Variants in C12orf75 observed in about 807,000 individuals in gnomAD.
C12orf75 encodes the protein chromosome 12 open reading frame 75.
C12orf75 carries 4 observed loss-of-function variants against 11.4 expected under a neutral mutation model. The ratio of observed to expected loss-of-function variants is 0.35; its 90% confidence interval spans 0.17 to 0.80. The LOEUF is 0.80. Among genes scored for constraint, C12orf75 ranks in the 30% least tolerant of loss-of-function variants. The pLI is 0.52. For missense variants in C12orf75, 89 were observed against 80.4 expected (o/e 1.11, Z -0.41); for synonymous variants, 30 against 30.0 (o/e 1.00, Z 0.00).
chr12:105,349,594 GGCCAGGTATGGTGGCGCATGCCT>G (rs1477257852), intron 2 of C12orf75, among the ~76,000 whole-genome samples: 1 of 152,212 alleles, frequency 6.6e-6, no homozygotes, highest in Non-Finnish European at 1.5e-5. Context: ...CCAAAAATAG[GGCCAGGTATGGTGGCGCATGCCT>G]GTAATCCCAG....
intron 2 of C12orf75, among the ~76,000 whole-genome samples, chr12:105,353,069 C>T (rs1592881328): frequency 6.6e-6 from 1 of 152,128 alleles, no homozygotes; most frequent in Non-Finnish European, 1.5e-5. Flanking sequence ...AAATAGGCTG[C>T]GTTGGGATAT....
At chr12:105,364,748 A>G (rs1201734883) in intron 2 of C12orf75, among the ~76,000 whole-genome samples, 1 of 152,110 alleles carries the variant, frequency 6.6e-6, no homozygotes. Flanking sequence ...CTTTCAGAAA[A>G]GCAACTTATG....
At chr12:105,361,183 C>T (rs571184726) in intron 2 of C12orf75, among the ~76,000 whole-genome samples, 10 of 152,196 alleles carry the variant, frequency 6.6e-5, no homozygotes, top group East Asian at 3.9e-4. Flanking sequence ...TGCACACCAC[C>T]ACACCTGGCT....
At chr12:105,333,028 C>T (rs765935346) in intron 1 of C12orf75, among the ~76,000 whole-genome samples, 3 of 151,804 alleles carry the variant, frequency 2.0e-5, no homozygotes, top group Non-Finnish European at 4.4e-5. Flanking sequence ...TCTCCTCCAG[C>T]TTGCTGTTTG....
chr12:105,346,552 A>G (rs1892643582), intron 1 of C12orf75, among the ~76,000 whole-genome samples: 1 of 152,174 alleles, frequency 6.6e-6, no homozygotes, highest in East Asian at 1.9e-4. Context: ...TTTTGGTTTA[A>G]TAATCTCTGA....
At position 105,330,764 on chromosome 12, in the gene C12orf75, A is replaced by T. The variant is rs1481199682; in HGVS notation, c.-128A>T. 5.2e-6 allele frequency: 5 copies of T among 965,792 alleles called. No individual in the cohort carries two copies. The South Asian group carries it at 2.1e-4, about 40-fold the overall frequency. The allele number at this position is 965,792 out of a possible 1,614,324, so 59.8% of individuals were successfully genotyped here. A position where few individuals can be genotyped will look rare whatever the true frequency, so the allele number is the denominator to read the frequency against. ...CCGGCGGTGGGAGGGGGCGGCCCCC[A>T]CTCGGTTCCTGGCCCCTCGCGGCCC... On this transcript the variant is annotated 5_prime_UTR_variant, in exon 1 of 6. Coordinates refer to ENST00000443585, the MANE Select transcript of C12orf75 (RefSeq NM_001145199.2).
At chr12:105,353,728 C>G (rs1423744839) in intron 2 of C12orf75, 1 of 152,012 alleles carries the variant, frequency 6.6e-6, no homozygotes, top group African/African-American at 2.4e-5. Context: ...AAATAAGAAA[C>G]AGTATTAAAT....
At chr12:105,345,915 C>T (rs1331279231) in intron 1 of C12orf75, among the ~76,000 whole-genome samples, 2 of 151,950 alleles carry the variant, frequency 1.3e-5, no homozygotes, top group Non-Finnish European at 2.9e-5. Flanking sequence ...CCACCCACCT[C>T]GGCCACCCAA....
At chr12:105,365,744 C>A in intron 2 of C12orf75, 63 bp from the exon 3 acceptor site, 1 of 1,188,536 alleles carries the variant, frequency 8.4e-7, no homozygotes, top group Non-Finnish European at 1.2e-6. Context: ...TTTCTCATAA[C>A]CAAAAATGAA....
At chr12:105,345,791 TG>T (rs1220000312) in intron 1 of C12orf75, among the ~76,000 whole-genome samples, 2 of 149,034 alleles carry the variant, frequency 1.3e-5, no homozygotes, top group Non-Finnish European at 3.0e-5. Context: ...CCCAAGTAGC[TG>T]GGATTATAGG....
intron 1 of C12orf75, among the ~76,000 whole-genome samples, chr12:105,347,531 C>T (rs1300268918): frequency 6.6e-6 from 1 of 152,210 alleles, no homozygotes; most frequent in East Asian, 1.9e-4. Flanking sequence ...AAGCATCCAG[C>T]ATGGGAGACA....
At chr12:105,355,189 T>TTC (rs61003690) in intron 2 of C12orf75, among the ~76,000 whole-genome samples, 5,536 of 139,142 alleles carry the variant, frequency 0.04, 193 homozygotes, top group East Asian at 0.12. Context: ...TCTTTTTTTT[T>TTC]TTCAGAGTTT....
intron 1 of C12orf75, among the ~76,000 whole-genome samples, chr12:105,348,275 C>T (rs1412381448): frequency 2.6e-5 from 4 of 152,040 alleles, no homozygotes. Flanking sequence ...ATTAACCAGG[C>T]ATGGTGGTAT....
At chr12:105,336,415 G>A (rs1440659165) in intron 1 of C12orf75, among the ~76,000 whole-genome samples, 5 of 152,338 alleles carry the variant, frequency 3.3e-5, no homozygotes, top group African/African-American at 7.2e-5. Flanking sequence ...TGTAATAAGA[G>A]AGCCTATTGT....
At chr12:105,357,830 G>GA (rs1555265860) in intron 2 of C12orf75, among the ~76,000 whole-genome samples, 5 of 148,198 alleles carry the variant, frequency 3.4e-5, no homozygotes, top group African/African-American at 1.3e-4. Flanking sequence ...GAGAGAGAGA[G>GA]GAGAGAGAGA....
In C12orf75 at chr12:105,366,471, C is replaced by T. The variant is rs1165728163; in HGVS notation, c.108-146C>T. On this transcript the variant is annotated intron_variant, in intron 3 of 5. Transcript: ENST00000443585. ...TTAACCTAGGAAACCAATTATATTC[C>T]CAAGGGCCATAATATTCTAGATTCT... 11 of 413,172 alleles carry T rather than the reference C, an allele frequency of 2.7e-5. No homozygotes were observed. In the East Asian group the frequency reaches 2.9e-4, roughly 11 times the overall value. The allele number at this position is 413,172 out of a possible 1,614,324, so 25.6% of individuals were successfully genotyped here. A position where few individuals can be genotyped will look rare whatever the true frequency, so the allele number is the denominator to read the frequency against.
At chr12:105,363,452 G>A (rs1291167325) in intron 2 of C12orf75, among the ~76,000 whole-genome samples, 2 of 152,166 alleles carry the variant, frequency 1.3e-5, no homozygotes, top group Non-Finnish European at 2.9e-5. Flanking sequence ...ATCTGGCCGG[G>A]CGGGGTGGCT....
intron 2 of C12orf75, among the ~76,000 whole-genome samples, 166 bp from the exon 3 acceptor site, chr12:105,365,641 T>C (rs1297862898): frequency 1.3e-5 from 2 of 152,262 alleles, no homozygotes; most frequent in African/African-American, 4.8e-5. Flanking sequence ...GGCAGAATAT[T>C]GTCACAGAAA....
At chr12:105,346,296 C>T (rs1892640077) in intron 1 of C12orf75, among the ~76,000 whole-genome samples, 1 of 152,150 alleles carries the variant, frequency 6.6e-6, no homozygotes. Flanking sequence ...TTCTCCAGAC[C>T]TTCTGAGGCT....
Sources: allele counts gnomAD v4.1 joint callset (sites outside exome capture counted in the v4.1 genomes callset), GRCh38; gene constraint gnomAD v4.1.1; transcripts MANE v1.5; gene names NCBI Gene and HGNC (gene_info 2026-07-23, HGNC 2026-07-21).